The following FAM174A variants were observed in gnomAD, a reference collection of about 807,000 sequenced individuals.
The protein encoded by FAM174A is membrane protein FAM174A.
A neutral mutation model predicts 14.3 loss-of-function variants in FAM174A; 14 were observed. The ratio of observed to expected loss-of-function variants is 0.98; its 90% confidence interval spans 0.65 to 1.53. The LOEUF (loss-of-function observed/expected upper bound fraction) is 1.53. Ranked by LOEUF, FAM174A falls within the 40% of genes most tolerant of loss-of-function variation. FAM174A has a pLI of 0.00. For missense variants in FAM174A, 241 were observed against 249.6 expected, an observed-to-expected ratio of 0.97 and a Z score of 0.23; for synonymous variants, 108 against 111.4, an observed-to-expected ratio of 0.97 and a Z score of 0.19.
intron 2 of FAM174A, among the ~76,000 whole-genome samples, chr5:100,582,094 C>T (rs748350316): frequency 6.6e-6 from 1 of 152,004 alleles, no homozygotes; most frequent in Non-Finnish European, 1.5e-5. Context: ...ATTTTGTGTT[C>T]TCCTAGTTTA....
At chr5:100,551,275 A>G (rs1209298734) in intron 1 of FAM174A, among the ~76,000 whole-genome samples, 1 of 152,112 alleles carries the variant, frequency 6.6e-6, no homozygotes, top group Non-Finnish European at 1.5e-5. Flanking sequence ...GTGGCTTGAC[A>G]TCTTCCTGCT....
chr5:100,573,028 T>C (rs1302274905), intron 2 of FAM174A, among the ~76,000 whole-genome samples: 1 of 152,004 alleles, frequency 6.6e-6, no homozygotes, highest in Admixed American at 6.5e-5. Context: ...TTTCATGTGT[T>C]TTTTGGCTGC....
intron 2 of FAM174A, among the ~76,000 whole-genome samples, chr5:100,582,454 T>C (rs1014186944): frequency 2.6e-5 from 4 of 151,870 alleles, no homozygotes; most frequent in African/African-American, 9.7e-5. Context: ...TTTATTAAGT[T>C]TGTAAAATAT....
At chr5:100,538,299 G>C (rs1365811247) in intron 1 of FAM174A, among the ~76,000 whole-genome samples, 1 of 151,740 alleles carries the variant, frequency 6.6e-6, no homozygotes, top group Non-Finnish European at 1.5e-5. Flanking sequence ...GAGAAGAATG[G>C]GCCAAAATCA....
chr5:100,549,839 CAT>C, intron 1 of FAM174A, among the ~76,000 whole-genome samples: 1 of 152,050 alleles, frequency 6.6e-6, no homozygotes, highest in East Asian at 1.9e-4. Flanking sequence ...AACATGGAGT[CAT>C]ATACATTTTA....
intron 2 of FAM174A, among the ~76,000 whole-genome samples, chr5:100,573,427 G>A (rs1401916854): frequency 6.6e-6 from 1 of 151,848 alleles, no homozygotes; most frequent in East Asian, 1.9e-4. Context: ...ATTGATTTTT[G>A]TATAAGGTGT....
chr5:100,571,617 G>T, intron 2 of FAM174A, among the ~76,000 whole-genome samples: 1 of 144,028 alleles, frequency 6.9e-6, no homozygotes, highest in African/African-American at 2.5e-5. Context: ...CTATATTCCA[G>T]TATATAAATA....
intron 1 of FAM174A, among the ~76,000 whole-genome samples, chr5:100,548,988 T>G (rs890297391): frequency 2.0e-5 from 3 of 152,098 alleles, no homozygotes; most frequent in African/African-American, 7.2e-5. Flanking sequence ...ATATGTATAT[T>G]TGTATTATGT....
At chr5:100,545,566 AC>A (rs1746149399) in intron 1 of FAM174A, among the ~76,000 whole-genome samples, 1 of 152,158 alleles carries the variant, frequency 6.6e-6, no homozygotes, top group Non-Finnish European at 1.5e-5. Context: ...GGTAATATAT[AC>A]TATGGTTTGA....
At chr5:100,581,138 C>CA (rs1747002740) in intron 2 of FAM174A, among the ~76,000 whole-genome samples, 1 of 152,108 alleles carries the variant, frequency 6.6e-6, no homozygotes, top group Non-Finnish European at 1.5e-5. Flanking sequence ...CCATGTTGGC[C>CA]AGGCTGGTCT....
chr5:100,572,951 G>T (rs1746821586), intron 2 of FAM174A, among the ~76,000 whole-genome samples: 3 of 152,144 alleles, frequency 2.0e-5, no homozygotes, highest in Admixed American at 2.0e-4. Context: ...ATTCTAACTG[G>T]TGTGAGCTGG....
rs752795233 is a variant in FAM174A at position 100,535,513 on chromosome 5, G to A, written c.-18G>A. On this transcript the variant is annotated 5_prime_UTR_variant, in exon 1 of 3. Transcript: ENST00000312637. The stretch of plus-strand genomic sequence containing the variant: ...GGGCCTGGCGGCTCCCGGGTGGTGA[G>A]AGAGCGGTCCGGGAACGATGAAGGC... 2 of 1,609,786 alleles carry A rather than the reference G, an allele frequency of 1.2e-6. No individual in the cohort carries two copies. Among genetic ancestry groups the A allele is most frequent in the Non-Finnish European group, 1.7e-6 (2 of 1,178,278 alleles).
intron 1 of FAM174A, among the ~76,000 whole-genome samples, chr5:100,554,247 A>G (rs1746318088): frequency 6.6e-6 from 1 of 151,592 alleles, no homozygotes; most frequent in African/African-American, 2.4e-5. Context: ...TTGCATGCAG[A>G]TATCATTAAA....
rs1554046411 is a variant in FAM174A, at chr5:100,542,846, A to ATATGTGTG, written c.434+6883_434+6884insATGTGTGT. Among the ~76,000 whole-genome samples, 280 of 150,422 alleles carry ATATGTGTG rather than the reference A, an allele frequency of 1.9e-3. 1 individual carries two copies. Among genetic ancestry groups the ATATGTGTG allele is most frequent in the African/African-American group, 6.6e-3 (270 of 40,934 alleles). Reference sequence around the variant, plus strand: ...CTGCTTATTATATTTATATATATATATGTGTGTGTGTGTGTGTGTATAATA... The same window carrying ATATGTGTG: ...CTGCTTATTATATTTATATATATATATATGTGTGTGTGTGTGTGTGTGTGTGTATAATA... On this transcript the variant is annotated intron_variant, in intron 1 of 2. Transcript: ENST00000312637.
intron 1 of FAM174A, among the ~76,000 whole-genome samples, chr5:100,550,551 T>G (rs979041440): frequency 6.6e-6 from 1 of 152,190 alleles, no homozygotes; most frequent in Non-Finnish European, 1.5e-5. Flanking sequence ...TTGTGTGCTG[T>G]GGCTACTGTG....
At chr5:100,581,788 A>G (rs1747022321) in intron 2 of FAM174A, among the ~76,000 whole-genome samples, 1 of 152,222 alleles carries the variant, frequency 6.6e-6, no homozygotes, top group Non-Finnish European at 1.5e-5. Flanking sequence ...CACTCAAGGA[A>G]TGAAATACTC....
At chr5:100,549,717 C>T (rs756050468) in intron 1 of FAM174A, among the ~76,000 whole-genome samples, 1 of 150,460 alleles carries the variant, frequency 6.6e-6, no homozygotes, top group African/African-American at 2.4e-5. Flanking sequence ...TGCACGTGGT[C>T]GAGATTGTGG....
intron 2 of FAM174A, among the ~76,000 whole-genome samples, chr5:100,574,433 CCGCCT>C (rs1746860240): frequency 6.6e-6 from 1 of 152,070 alleles, no homozygotes; most frequent in African/African-American, 2.4e-5. Context: ...GGTGATCCAC[CCGCCT>C]CGACCTTCCA....
intron 2 of FAM174A, among the ~76,000 whole-genome samples, chr5:100,568,829 C>T (rs1377806842): frequency 6.6e-6 from 1 of 151,894 alleles, no homozygotes; most frequent in Non-Finnish European, 1.5e-5. Flanking sequence ...AATAATTTGG[C>T]TTAGTTCTTT....
Sources: gnomAD v4.1 joint callset for allele counts (sites outside exome capture counted in the v4.1 genomes callset) on GRCh38, gnomAD v4.1.1 for gene constraint, MANE v1.5 for transcripts, NCBI Gene and HGNC (gene_info 2026-07-23, HGNC 2026-07-21) for gene names.